Variants in CNTNAP5 observed in about 807,000 individuals in gnomAD.
CNTNAP5 encodes the protein contactin-associated protein-like 5.
Under a neutral mutation model 150.2 loss-of-function variants are expected in CNTNAP5, and 72 were observed. The ratio of observed to expected loss-of-function variants is 0.48; its 90% CI spans 0.40 to 0.58. The LOEUF (loss-of-function observed/expected upper bound fraction) is 0.58, where lower values mean the gene tolerates loss of function less well. CNTNAP5 is among the 20% of genes least tolerant of loss of function. The probability of loss-of-function intolerance (pLI) is 0.00; values close to 1 mark genes in which losing one functional copy is unlikely to be tolerated. For missense variants in CNTNAP5, 1,636 were observed against 1,626.2 expected (o/e 1.01, Z -0.10); for synonymous variants, 672 against 619.8 (o/e 1.08, Z -1.25).
intron 3 of CNTNAP5, among the ~76,000 whole-genome samples, chr2:124,347,623 C>A (rs1367720663): frequency 6.6e-6 from 1 of 152,138 alleles, no homozygotes; most frequent in African/African-American, 2.4e-5. Flanking sequence ...TATTGACACA[C>A]GTTTTGTGCT....
intron 16 of CNTNAP5, among the ~76,000 whole-genome samples, chr2:124,764,973 A>G (rs981777506): frequency 6.6e-6 from 1 of 152,090 alleles, no homozygotes; most frequent in Non-Finnish European, 1.5e-5. Context: ...CATAAAATTT[A>G]AGTTTTTTCA....
At chr2:124,768,266 T>C (rs972715884) in intron 16 of CNTNAP5, among the ~76,000 whole-genome samples, 1 of 114,254 alleles carries the variant, frequency 8.8e-6, no homozygotes, top group Non-Finnish European at 1.7e-5. Flanking sequence ...ATATATACTG[T>C]ATGTATGTGT....
chr2:124,042,917 G>A (rs374292038), intron 1 of CNTNAP5, among the ~76,000 whole-genome samples: 1 of 152,032 alleles, frequency 6.6e-6, no homozygotes, highest in Admixed American at 6.6e-5. Flanking sequence ...CTCAGGAAAG[G>A]CCATGAACCA....
intron 4 of CNTNAP5, among the ~76,000 whole-genome samples, chr2:124,421,789 G>T (rs1692108330): frequency 6.6e-6 from 1 of 152,138 alleles, no homozygotes; most frequent in African/African-American, 2.4e-5. Context: ...CTGCCAATGT[G>T]ATTCTTAATT....
At chr2:124,350,615 G>A (rs1217910055) in intron 3 of CNTNAP5, among the ~76,000 whole-genome samples, 2 of 146,968 alleles carry the variant, frequency 1.4e-5, no homozygotes, top group African/African-American at 5.0e-5. Flanking sequence ...AAGTTTATGT[G>A]GAGAATGACT....
chr2:124,602,634 T>C (rs1392464513), intron 11 of CNTNAP5, among the ~76,000 whole-genome samples: 1 of 152,058 alleles, frequency 6.6e-6, no homozygotes, highest in East Asian at 1.9e-4. Flanking sequence ...GCTGAGACTA[T>C]AGGCACAAGC....
chr2:124,595,027 G>C (rs1696794297), intron 11 of CNTNAP5, among the ~76,000 whole-genome samples: 1 of 140,162 alleles, frequency 7.1e-6, no homozygotes, highest in Admixed American at 7.5e-5. Flanking sequence ...TCAGCTTAAG[G>C]AGATTTTGGG....
chr2:124,138,867 T>G (rs1414671338), intron 1 of CNTNAP5, among the ~76,000 whole-genome samples: 1 of 151,570 alleles, frequency 6.6e-6, no homozygotes, highest in Non-Finnish European at 1.5e-5. Flanking sequence ...ATCAGCCCTC[T>G]AGATTTACTT....
At chr2:124,205,052 C>G (rs1023970708) in intron 1 of CNTNAP5, among the ~76,000 whole-genome samples, 1 of 152,110 alleles carries the variant, frequency 6.6e-6, no homozygotes, top group African/African-American at 2.4e-5. Context: ...TTAGTTGTAG[C>G]CCTAGAACTA....
intron 3 of CNTNAP5, among the ~76,000 whole-genome samples, chr2:124,317,792 C>A (rs996404930): frequency 3.3e-5 from 5 of 152,166 alleles, no homozygotes; most frequent in African/African-American, 1.2e-4. Context: ...CAAACAGACA[C>A]ACACCATACA....
intron 11 of CNTNAP5, among the ~76,000 whole-genome samples, chr2:124,580,613 G>GC (rs1373535471): frequency 3.9e-5 from 6 of 152,218 alleles, no homozygotes. Context: ...CAAGTGCTTG[G>GC]CCCCCTCCTC....
At chr2:124,822,242 A>AG (rs1682507215) in intron 19 of CNTNAP5, among the ~76,000 whole-genome samples, 1 of 152,054 alleles carries the variant, frequency 6.6e-6, no homozygotes, top group Non-Finnish European at 1.5e-5. Flanking sequence ...CCCTCTTGGA[A>AG]GGGGGTTGGT....
At chr2:124,665,586 T>A (rs1012430223) in intron 13 of CNTNAP5, among the ~76,000 whole-genome samples, 1 of 152,116 alleles carries the variant, frequency 6.6e-6, no homozygotes, top group Non-Finnish European at 1.5e-5. Flanking sequence ...TATATGTTGA[T>A]GTGTAGCTAA....
chr2:124,811,431 T>A (rs1682216063), intron 19 of CNTNAP5, among the ~76,000 whole-genome samples: 1 of 152,270 alleles, frequency 6.6e-6, no homozygotes, highest in African/African-American at 2.4e-5. Context: ...AAATCTATTG[T>A]TAGATTATAA....
At chr2:124,806,064 G>C (rs1257064711) in intron 19 of CNTNAP5, among the ~76,000 whole-genome samples, 1 of 152,220 alleles carries the variant, frequency 6.6e-6, no homozygotes, top group Non-Finnish European at 1.5e-5. Flanking sequence ...CCATGTGCTA[G>C]ATGCTGTTCC....
At chr2:124,847,960 A>T (rs540077336) in intron 19 of CNTNAP5, among the ~76,000 whole-genome samples, 42 of 152,268 alleles carry the variant, frequency 2.8e-4, no homozygotes, top group Non-Finnish European at 4.3e-4. Flanking sequence ...ATTTATTTTT[A>T]AAAAAACTTG....
intron 1 of CNTNAP5, among the ~76,000 whole-genome samples, chr2:124,204,214 G>A (rs1685805061): frequency 6.6e-6 from 1 of 152,128 alleles, no homozygotes; most frequent in Admixed American, 6.5e-5. Context: ...TAGGACAGGG[G>A]CAAAATGCTA....
chr2:124,501,314 T>C (rs561571903), intron 7 of CNTNAP5, among the ~76,000 whole-genome samples: 2 of 152,344 alleles, frequency 1.3e-5, no homozygotes, highest in South Asian at 4.1e-4. Context: ...TTTATAATGC[T>C]TGAAAAATCT....
At position 124,269,766 on chromosome 2, in the gene CNTNAP5, G is replaced by C. The variant is rs550755069; in HGVS notation, c.381+27373G>C. ...ACCTTATCCTACAGCATGTGATGGAGCAAAGAAGTAAAAAATGTATGTTTT... is the reference window on the plus strand; with the variant it reads ...ACCTTATCCTACAGCATGTGATGGACCAAAGAAGTAAAAAATGTATGTTTT... On this transcript the variant is annotated intron_variant, in intron 3 of 23. Coordinates refer to ENST00000682447, the MANE Select transcript of CNTNAP5 (RefSeq NM_001367498.1). Among the ~76,000 whole-genome samples the C allele has an allele frequency of 2.3e-3, 345 of 152,246 alleles. 2 individuals carry two copies. Among genetic ancestry groups the C allele is most frequent in the African/African-American group, 8.1e-3 (337 of 41,544 alleles).
Sources: allele counts gnomAD v4.1 joint callset (sites outside exome capture counted in the v4.1 genomes callset), GRCh38; gene constraint gnomAD v4.1.1; transcripts MANE v1.5; gene names NCBI Gene and HGNC (gene_info 2026-07-23, HGNC 2026-07-21).